Variants in PIGK observed in about 807,000 individuals in gnomAD.
PIGK encodes the protein phosphatidylinositol glycan anchor biosynthesis class K, also known as GPI-anchor transamidase.
In PIGK, 42 loss-of-function variants were observed where a neutral mutation model predicts 50.6. That is an observed-to-expected ratio of 0.83 (90% CI 0.65 to 1.07). The LOEUF is 1.07. PIGK is among the 50% of genes least tolerant of loss of function. The pLI is 0.00. For synonymous variants in PIGK, 151 were observed against 156.0 expected (o/e 0.97, Z 0.24); for missense variants, 448 against 488.7 (o/e 0.92, Z 0.78).
chr1:77,112,304 G>C (rs1006940573), intron 10 of PIGK, among the ~76,000 whole-genome samples: 2 of 150,834 alleles, frequency 1.3e-5, no homozygotes, highest in Admixed American at 1.3e-4. Flanking sequence ...CTAACTCCTA[G>C]TTACATTATT....
chr1:77,206,273 T>C (rs1656284851), intron 3 of PIGK, among the ~76,000 whole-genome samples: 1 of 152,198 alleles, frequency 6.6e-6, no homozygotes, highest in Non-Finnish European at 1.5e-5. Context: ...TTCTCACTAA[T>C]TTGGCAAGGT....
chr1:77,161,646 G>A lies in PIGK; in HGVS notation c.650C>T (p.Ser217Phe), dbSNP rs1655130928. ...QGASMYERFYSPNIMALASSQ... is the reference protein window; with the variant it reads ...QGASMYERFYFPNIMALASSQ... ...ACTAGCTAGAGCCATTATGTTAGGA[G>A]AATAAAATCGTTCATACATGGATGC... is the stretch of plus-strand genomic sequence containing the variant. The change falls in exon 7 of 11, where the codon TCT becomes TTT. Residue 217 changes from serine to phenylalanine, a missense_variant. Ser to Phe is a radical substitution (Grantham distance 155, BLOSUM62 -2). Coordinates refer to ENST00000370812, the MANE Select transcript of PIGK (RefSeq NM_005482.3). 6.3e-7 allele frequency: 1 copy of A among 1,588,854 alleles called. No individual in the cohort carries two copies. Among genetic ancestry groups the A allele is most frequent in the African/African-American group, 1.3e-5 (1 of 74,380 alleles).
chr1:77,097,665 C>T (rs190695097), intron 10 of PIGK, among the ~76,000 whole-genome samples: 161 of 152,098 alleles, frequency 1.1e-3, no homozygotes, highest in African/African-American at 3.7e-3. Context: ...GAATTTCTAG[C>T]CAATCCAGAC....
rs537098713 is a variant in PIGK at position 77,129,324 on chromosome 1, G to A, written c.987-6965C>T. The A allele has an allele frequency of 1.8e-5, 29 of 1,594,430 alleles. No homozygotes were observed. In the African/African-American group the frequency reaches 3.8e-4, roughly 21 times the overall value. On this transcript the variant is annotated intron_variant, in intron 9 of 10. Coordinates refer to ENST00000370812, the MANE Select transcript of PIGK (RefSeq NM_005482.3). ...TTACAATGGTGGAGTTGGCAGGTGT[G>A]CGCAGGCCAAGCAGTGGGGCTGGAC...
intron 9 of PIGK, among the ~76,000 whole-genome samples, chr1:77,138,713 T>C (rs1306359410): frequency 3.3e-5 from 5 of 152,198 alleles, no homozygotes; most frequent in Non-Finnish European, 7.3e-5. Flanking sequence ...TTTCTCAAAT[T>C]GTCTGTAATT....
chr1:77,198,373 C>G (rs1367154766), intron 3 of PIGK, among the ~76,000 whole-genome samples: 1 of 151,960 alleles, frequency 6.6e-6, no homozygotes, highest in Non-Finnish European at 1.5e-5. Context: ...TTTATCTGCA[C>G]TATTAGTTTT....
rs1557787923 is a variant in PIGK at position 77,089,340 on chromosome 1, G to T, written c.*3034C>A. 1 of 152,154 alleles carries T rather than the reference G, an allele frequency of 6.6e-6. No individual in the cohort carries two copies. Among genetic ancestry groups the T allele is most frequent in the Non-Finnish European group, 1.5e-5 (1 of 68,022 alleles). 9.4% of individuals were successfully genotyped at this position (152,154 alleles called of 1,614,324 possible). A position where few individuals can be genotyped will look rare whatever the true frequency, so the allele number is the denominator to read the frequency against. On this transcript the variant is annotated 3_prime_UTR_variant, in exon 11 of 11. Transcript: ENST00000370812. Reference sequence around the variant, plus strand: ...ATTCTTTAAAGCAAAAATGGATACTGATCTCATTGTTTTATAGCCATATCT... The same window carrying T: ...ATTCTTTAAAGCAAAAATGGATACTTATCTCATTGTTTTATAGCCATATCT...
chr1:77,105,520 A>G (rs1384987350), intron 10 of PIGK, among the ~76,000 whole-genome samples: 1 of 151,834 alleles, frequency 6.6e-6, no homozygotes, highest in African/African-American at 2.4e-5. Flanking sequence ...TGAAAACTAG[A>G]AACTACCAGA....
At chr1:77,129,638 G>A (rs976514083) in intron 9 of PIGK, 11 of 1,472,756 alleles carry the variant, frequency 7.5e-6, no homozygotes, top group Non-Finnish European at 9.3e-6. Context: ...AGAAGAAACT[G>A]AAGAAACAAA....
intron 10 of PIGK, among the ~76,000 whole-genome samples, chr1:77,103,953 A>AG (rs1161805129): frequency 6.6e-6 from 1 of 152,054 alleles, no homozygotes; most frequent in African/African-American, 2.4e-5. Flanking sequence ...AGAAATGGAC[A>AG]GACCTTGTAA....
intron 10 of PIGK, among the ~76,000 whole-genome samples, chr1:77,103,711 G>T (rs561082211): frequency 6.6e-6 from 1 of 152,288 alleles, no homozygotes; most frequent in Admixed American, 6.5e-5. Flanking sequence ...ATTCAGGGAG[G>T]TTTAGGCGGT....
chr1:77,185,576 C>T (rs1779189), intron 3 of PIGK, among the ~76,000 whole-genome samples: 25,966 of 151,698 alleles, frequency 0.17, 3,767 homozygotes, highest in African/African-American at 0.4. Flanking sequence ...GTGGGCCTAA[C>T]TGGATTTTGG....
chr1:77,163,525 C>T (rs1307145908), intron 6 of PIGK, among the ~76,000 whole-genome samples: 1 of 151,914 alleles, frequency 6.6e-6, no homozygotes, highest in Non-Finnish European at 1.5e-5. Context: ...AGAATAGGTA[C>T]AAGTTGAAAA....
intron 10 of PIGK, among the ~76,000 whole-genome samples, chr1:77,121,248 G>T (rs961614688): frequency 2.0e-5 from 3 of 152,072 alleles, no homozygotes; most frequent in Admixed American, 2.0e-4. Flanking sequence ...CAGACTGTTA[G>T]GTCATTTAAG....
intron 1 of PIGK, among the ~76,000 whole-genome samples, chr1:77,216,030 G>A (rs1045339954): frequency 1.3e-5 from 2 of 152,160 alleles, no homozygotes; most frequent in Non-Finnish European, 2.9e-5. Flanking sequence ...GCACTTTAGA[G>A]TAACTATAGT....
At chr1:77,212,123 A>T (rs984138859) in intron 1 of PIGK, among the ~76,000 whole-genome samples, 3 of 152,108 alleles carry the variant, frequency 2.0e-5, no homozygotes, top group Non-Finnish European at 4.4e-5. Context: ...TATATTTGCC[A>T]TCTCAAGACA....
intron 10 of PIGK, among the ~76,000 whole-genome samples, chr1:77,121,348 T>C (rs1290919809): frequency 2.6e-5 from 4 of 152,168 alleles, no homozygotes. Flanking sequence ...TTTCTGATCA[T>C]TTTTTGTAAT....
chr1:77,217,610 C>T (rs555429044), intron 1 of PIGK, among the ~76,000 whole-genome samples: 29 of 151,564 alleles, frequency 1.9e-4, no homozygotes, highest in African/African-American at 6.8e-4. Flanking sequence ...GTTACTCTGG[C>T]TTCAATTTGG....
At chr1:77,173,912 C>T (rs569990182) in intron 3 of PIGK, among the ~76,000 whole-genome samples, 20 of 152,298 alleles carry the variant, frequency 1.3e-4, no homozygotes, top group African/African-American at 3.1e-4. Flanking sequence ...TCTTAGTCTC[C>T]ACCTTCCAGG....
Sources: gnomAD v4.1 joint callset for allele counts (sites outside exome capture counted in the v4.1 genomes callset) on GRCh38, gnomAD v4.1.1 for gene constraint, MANE v1.5 for transcripts, NCBI Gene and HGNC (gene_info 2026-07-23, HGNC 2026-07-21) for gene names.